CWC27: variants seen among roughly 807,000 people sequenced by gnomAD.
CWC27 encodes CWC27 spliceosome associated cyclophilin.
CWC27 carries 47 observed loss-of-function variants against 63.6 expected under a neutral mutation model. That is an observed-to-expected ratio of 0.74 (90% CI 0.58 to 0.94). The LOEUF is 0.94. Ranked by LOEUF, CWC27 falls within the 40% of genes least tolerant of loss-of-function variation. CWC27 has a pLI of 0.00. For missense variants in CWC27, 495 were observed against 554.3 expected (o/e 0.89, Z 1.07); for synonymous variants, 175 against 179.8 (o/e 0.97, Z 0.22).
chr5:65,001,856 C>A (rs1210665592), intron 13 of CWC27, among the ~76,000 whole-genome samples: 1 of 146,480 alleles, frequency 6.8e-6, no homozygotes, highest in East Asian at 2.0e-4. Context: ...AGGAAGAATT[C>A]TTTTATCTTC....
chr5:64,779,725 CT>C (rs1210040252), intron 2 of CWC27, among the ~76,000 whole-genome samples: 2 of 152,188 alleles, frequency 1.3e-5, no homozygotes, highest in African/African-American at 4.8e-5. Context: ...CCACCCAAAT[CT>C]CACCTTGAAT....
At chr5:65,009,245 C>T (rs1482423360) in intron 13 of CWC27, among the ~76,000 whole-genome samples, 1 of 152,112 alleles carries the variant, frequency 6.6e-6, no homozygotes, top group Admixed American at 6.6e-5. Flanking sequence ...AGAGCTCATT[C>T]ATTACCACAA....
At chr5:64,990,251 GTT>G (rs1217198416) in intron 13 of CWC27, among the ~76,000 whole-genome samples, 1 of 26,968 alleles carries the variant, frequency 3.7e-5, no homozygotes, top group Non-Finnish European at 7.6e-5. Context: ...TTTTTTTTTT[GTT>G]TTTTTTTTTT....
intron 10 of CWC27, chr5:64,844,963 G>A (rs865902719): frequency 4.6e-5 from 21 of 456,532 alleles, no homozygotes; most frequent in African/African-American, 2.2e-4. Context: ...CCTACAGCCC[G>A]GCCCAACTGC....
At chr5:64,864,354 G>A (rs1746485849) in intron 10 of CWC27, among the ~76,000 whole-genome samples, 1 of 152,192 alleles carries the variant, frequency 6.6e-6, no homozygotes, top group African/African-American at 2.4e-5. Context: ...GGTCATCTAT[G>A]CATGCCCTGG....
intron 11 of CWC27, among the ~76,000 whole-genome samples, chr5:64,903,565 A>T (rs1423687100): frequency 6.6e-6 from 1 of 151,994 alleles, no homozygotes; most frequent in Non-Finnish European, 1.5e-5. Context: ...TAGGACAACT[A>T]CCTAATGCAT....
chr5:65,009,957 G>A (rs1272846087), intron 13 of CWC27, among the ~76,000 whole-genome samples: 5 of 152,188 alleles, frequency 3.3e-5, no homozygotes, highest in Non-Finnish European at 5.9e-5. Context: ...CTCAGGCCAC[G>A]TGAGGTAAAT....
chr5:64,937,045 C>T (rs1748369158), intron 11 of CWC27, among the ~76,000 whole-genome samples: 1 of 151,974 alleles, frequency 6.6e-6, no homozygotes, highest in Non-Finnish European at 1.5e-5. Flanking sequence ...TCAAAAAAAT[C>T]CAGCTCCTGG....
At chr5:64,995,571 T>C (rs2112461801) in intron 13 of CWC27, among the ~76,000 whole-genome samples, 1 of 152,214 alleles carries the variant, frequency 6.6e-6, no homozygotes, top group Non-Finnish European at 1.5e-5. Flanking sequence ...GTTATCATGT[T>C]TTTTTTTCTA....
At chr5:64,771,615 G>C (rs181669832) in intron 1 of CWC27, among the ~76,000 whole-genome samples, 1 of 152,212 alleles carries the variant, frequency 6.6e-6, no homozygotes, top group Non-Finnish European at 1.5e-5. Context: ...CAAATGATAG[G>C]GGTCTGTCTT....
In CWC27 at chr5:64,783,985, T is replaced by C. The variant is rs1743794348; in HGVS notation, c.396+6T>C. ...AGCATACCATCTTTGGAAAGGTTAG[T>C]GTCCAGTGATTTTAAACCTGTGGTT... On this transcript the variant is annotated splice_donor_region_variant and intron_variant, in intron 4 of 13. Transcript: ENST00000381070. 1.3e-6 allele frequency: 2 copies of C among 1,559,372 alleles called. No individual in the cohort carries two copies. The highest frequency in any genetic ancestry group is 2.0e-5 in the Admixed American group (1 of 49,994).
rs762917044 is a variant in CWC27, at chr5:64,774,789, T to TAAATTATG, written c.139+3_139+4insAATTATGA. 3 of 1,095,882 alleles carry TAAATTATG rather than the reference T, an allele frequency of 2.7e-6. No individual in the cohort carries two copies. The African/African-American group carries it at 6.5e-5, about 24-fold the overall frequency. The allele number at this position is 1,095,882 out of a possible 1,614,324, so 67.9% of individuals were successfully genotyped here. A position where few individuals can be genotyped will look rare whatever the true frequency, so the allele number is the denominator to read the frequency against. On this transcript the variant is annotated splice_region_variant and intron_variant, in intron 2 of 13. Coordinates refer to ENST00000381070, the MANE Select transcript of CWC27 (RefSeq NM_005869.4). ...ATTTTATCCAACTTTGTTTGGAAGGTATGTTGACTTTTATTCTACTGGAGA... is the reference window on the plus strand; with the variant it reads ...ATTTTATCCAACTTTGTTTGGAAGGTAAATTATGATGTTGACTTTTATTCTACTGGAGA...
intron 10 of CWC27, among the ~76,000 whole-genome samples, chr5:64,862,880 TG>T (rs1289994083): frequency 6.6e-6 from 1 of 152,190 alleles, no homozygotes; most frequent in East Asian, 1.9e-4. Context: ...GGTTCATAGA[TG>T]GCCATCTTCT....
At chr5:64,868,598 G>A (rs1258345192) in intron 10 of CWC27, among the ~76,000 whole-genome samples, 3 of 152,020 alleles carry the variant, frequency 2.0e-5, no homozygotes, top group African/African-American at 7.2e-5. Flanking sequence ...GTAAAGACCA[G>A]CAATCTGTGT....
rs141289814 is a variant in CWC27, at chr5:65,015,838, A to G, written c.1257-2321A>G. ...GGTCAGGAATTGTTTAGGGGCAGCT[A>G]TCACCCTCAGAAGCCCCATTATTTG... On this transcript the variant is annotated intron_variant, in intron 13 of 13. Coordinates refer to ENST00000381070, the MANE Select transcript of CWC27 (RefSeq NM_005869.4). Among the ~76,000 whole-genome samples the G allele has an allele frequency of 2.6e-5, 4 of 152,316 alleles. No homozygotes were observed. In the East Asian group the frequency reaches 5.8e-4, roughly 22 times the overall value.
intron 11 of CWC27, among the ~76,000 whole-genome samples, chr5:64,940,383 T>G (rs1748449416): frequency 1.3e-5 from 2 of 152,134 alleles, no homozygotes; most frequent in Non-Finnish European, 2.9e-5. Context: ...CTCTGACTCC[T>G]TGCACTTCCC....
Position 64,977,169 on chromosome 5 carries a change from T to A in CWC27, c.1187T>A (p.Leu396His). The part of the protein sequence containing the change: ...LALLNQFKSK[L>H]TQAIAETPEN... ...CTGCTGAACCAGTTTAAATCTAAAC[T>A]CACTCAAGCAATTGCTGAAACGCCT... Residue 396 changes from leucine to histidine, a missense_variant, in exon 13 of 14, where the codon CTC (leucine) becomes CAC (histidine). Around this residue, in one of 3 missense-constraint regions of CWC27, gnomAD observed 463 missense variants for 498.1 expected, o/e 0.93. Coordinates refer to ENST00000381070, the MANE Select transcript of CWC27 (RefSeq NM_005869.4). The A allele has an allele frequency of 6.2e-7, 1 of 1,612,376 alleles. No homozygotes were observed. The highest frequency in any genetic ancestry group is 8.5e-7 in the Non-Finnish European group (1 of 1,179,016).
chr5:64,864,866 A>G (rs746282750), intron 10 of CWC27, among the ~76,000 whole-genome samples: 1 of 152,122 alleles, frequency 6.6e-6, no homozygotes, highest in Non-Finnish European at 1.5e-5. Context: ...TAACATATCC[A>G]TCACCTCATA....
intron 13 of CWC27, among the ~76,000 whole-genome samples, chr5:64,999,096 C>G (rs1398435246): frequency 6.6e-6 from 1 of 151,852 alleles, no homozygotes; most frequent in East Asian, 1.9e-4. Flanking sequence ...GATCTCTGAG[C>G]TCATTCACAT....
Sources: allele counts gnomAD v4.1 joint callset (sites outside exome capture counted in the v4.1 genomes callset), GRCh38; gene constraint gnomAD v4.1.1; regional missense constraint gnomAD v4.1.1; transcripts MANE v1.5; gene names NCBI Gene and HGNC (gene_info 2026-07-23, HGNC 2026-07-21).